Variants in KLF8 observed in about 807,000 individuals in gnomAD.
The protein encoded by KLF8 is Krueppel-like factor 8.
KLF8 carries 10 observed loss-of-function variants against 18.2 expected under a neutral mutation model. That is an observed-to-expected ratio of 0.55 (90% CI 0.34 to 0.93). The LOEUF (loss-of-function observed/expected upper bound fraction) is 0.93, where lower values mean the gene tolerates loss of function less well. Ranked by LOEUF, KLF8 falls within the 40% of genes least tolerant of loss-of-function variation. The pLI, the probability that KLF8 is intolerant of heterozygous loss-of-function variation, is 0.02. For missense variants in KLF8, 264 were observed against 277.9 expected (o/e 0.95, Z 0.36); for synonymous variants, 109 against 97.3 (o/e 1.12, Z -0.71).
chrX:56,262,520 A>G (rs2066896646), intron 2 of KLF8, among the ~76,000 whole-genome samples: 1 of 111,573 alleles, frequency 9.0e-6, no homozygotes, highest in Non-Finnish European at 1.9e-5. Flanking sequence ...TCAAAGCTTC[A>G]GCTTTTTCAG....
the KLF8 span, among the ~76,000 whole-genome samples, chrX:56,083,627 T>G: frequency 1.8e-5 from 2 of 111,480 alleles, no homozygotes; most frequent in Admixed American, 1.9e-4. Context: ...ATAGCAGGAG[T>G]CTCCAACTTC....
the KLF8 span, among the ~76,000 whole-genome samples, chrX:55,943,245 A>AG: frequency 9.0e-6 from 1 of 110,990 alleles, no homozygotes; most frequent in Non-Finnish European, 1.9e-5. Context: ...AATGCTTATT[A>AG]GATATCCAAG....
At chrX:56,201,753 A>G in the KLF8 span, among the ~76,000 whole-genome samples, 1 of 111,497 alleles carries the variant, frequency 9.0e-6, no homozygotes, top group Admixed American at 9.6e-5. Context: ...CAGTTTTTAC[A>G]TGTCAATCAT....
the KLF8 span, among the ~76,000 whole-genome samples, chrX:56,188,717 A>G: frequency 1.8e-5 from 2 of 111,933 alleles, no homozygotes; most frequent in Non-Finnish European, 3.8e-5. Flanking sequence ...ATAATGCCAC[A>G]TATCTACAAC....
At chrX:55,910,491 T>C in the KLF8 span, among the ~76,000 whole-genome samples, 4 of 111,705 alleles carry the variant, frequency 3.6e-5, no homozygotes, top group Middle Eastern at 9.3e-3. Flanking sequence ...AAAGGTGTTC[T>C]AGACAGAGGA....
the KLF8 span, among the ~76,000 whole-genome samples, chrX:56,068,198 C>CT: frequency 9.0e-6 from 1 of 111,690 alleles, no homozygotes; most frequent in Non-Finnish European, 1.9e-5. Context: ...AGTGGTCTTG[C>CT]TTTTTTGTGA....
the KLF8 span, among the ~76,000 whole-genome samples, chrX:56,199,172 G>GCCAATA: frequency 6.3e-5 from 7 of 111,984 alleles, no homozygotes; most frequent in Non-Finnish European, 1.1e-4. Context: ...TCAGGAAATA[G>GCCAATA]GCATTGGCAA....
chrX:55,913,571 A>G, the KLF8 span, among the ~76,000 whole-genome samples: 1 of 111,570 alleles, frequency 9.0e-6, no homozygotes, highest in African/African-American at 3.3e-5. Flanking sequence ...CAACCCAAGG[A>G]GAGGCCTAGA....
chrX:56,076,421 G>A, the KLF8 span, among the ~76,000 whole-genome samples: 2 of 108,774 alleles, frequency 1.8e-5, no homozygotes, highest in African/African-American at 6.7e-5. Flanking sequence ...GCAGTTTACT[G>A]AGAATGATGA....
At chrX:56,063,251 G>A in the KLF8 span, among the ~76,000 whole-genome samples, 1 of 111,298 alleles carries the variant, frequency 9.0e-6, no homozygotes, top group Non-Finnish European at 1.9e-5. Flanking sequence ...AGGCCTTTTG[G>A]TTTTTGGAAT....
chrX:56,102,001 G>A, the KLF8 span, among the ~76,000 whole-genome samples: 1 of 111,108 alleles, frequency 9.0e-6, no homozygotes, highest in African/African-American at 3.3e-5. Flanking sequence ...TGTTTTTTAG[G>A]AATTCAGCCA....
the KLF8 span, among the ~76,000 whole-genome samples, chrX:56,178,131 G>A: frequency 3.7e-3 from 412 of 111,873 alleles, 2 homozygotes; most frequent in African/African-American, 0.013. Context: ...CTGACACTCC[G>A]CAGTGAGGTG....
chrX:56,182,311 T>C, the KLF8 span, among the ~76,000 whole-genome samples: 1 of 112,538 alleles, frequency 8.9e-6, no homozygotes, highest in African/African-American at 3.2e-5. Flanking sequence ...TTCAGCTCCA[T>C]GAGGTCATTT....
chrX:56,171,791 G>C, the KLF8 span, among the ~76,000 whole-genome samples: 1 of 111,744 alleles, frequency 8.9e-6, no homozygotes, highest in East Asian at 2.8e-4. Flanking sequence ...ATTTGGGTTG[G>C]CTACAAGTCC....
At chrX:56,182,847 G>C in the KLF8 span, among the ~76,000 whole-genome samples, 1 of 112,089 alleles carries the variant, frequency 8.9e-6, no homozygotes, top group Non-Finnish European at 1.9e-5. Context: ...TCTCAGAGTG[G>C]CACCTGGCTG....
At chrX:55,908,256 A>T in the KLF8 span, 1 of 257,450 alleles carries the variant, frequency 3.9e-6, no homozygotes, top group Admixed American at 6.6e-5. Context: ...CGCCACTAGC[A>T]AACAACCTCA....
At chrX:56,194,898 T>G in the KLF8 span, among the ~76,000 whole-genome samples, 2 of 112,337 alleles carry the variant, frequency 1.8e-5, no homozygotes, top group Middle Eastern at 4.6e-3. Context: ...TCTGCAATAT[T>G]TGCTGTTCTG....
the KLF8 span, among the ~76,000 whole-genome samples, chrX:56,123,764 C>A: frequency 1.8e-5 from 2 of 111,765 alleles, no homozygotes. Flanking sequence ...AATTATTTTT[C>A]CAGGGCATTA....
the KLF8 span, among the ~76,000 whole-genome samples, chrX:56,182,293 C>G: frequency 8.9e-6 from 1 of 112,303 alleles, no homozygotes; most frequent in Non-Finnish European, 1.9e-5. Context: ...AGTTCTCGTG[C>G]CAAGGTTTTC....
Sources: allele counts gnomAD v4.1 joint callset (sites outside exome capture counted in the v4.1 genomes callset), GRCh38; gene constraint gnomAD v4.1.1; transcripts MANE v1.5; gene names NCBI Gene and HGNC (gene_info 2026-07-23, HGNC 2026-07-21).